The following FCHO2 variants were observed in gnomAD, a reference collection of about 807,000 sequenced individuals.
The protein encoded by FCHO2 is F-BAR domain only protein 2.
In FCHO2, 43 loss-of-function variants were observed where a neutral mutation model predicts 114.1. That is an observed-to-expected ratio of 0.38 (90% confidence interval 0.30 to 0.49). The LOEUF is 0.49. Among genes scored for constraint, FCHO2 ranks in the 20% least tolerant of loss-of-function variants. The pLI, the probability that FCHO2 is intolerant of heterozygous loss-of-function variation, is 0.97. For missense variants in FCHO2, 807 were observed against 950.4 expected (o/e 0.85, Z 1.98); for synonymous variants, 293 against 315.2 (o/e 0.93, Z 0.75).
Position 73,037,172 on chromosome 5 carries a change from G to C in FCHO2, c.871G>C (p.Ala291Pro), listed in dbSNP as rs1756553026. 1 of 1,592,848 alleles carries C rather than the reference G, an allele frequency of 6.3e-7. No individual in the cohort carries two copies. The highest frequency in any genetic ancestry group is 2.3e-5 in the East Asian group (1 of 44,112). Residue 291 changes from alanine (A) to proline (P), a missense_variant, in exon 10 of 26, where the codon GCT (alanine) becomes CCT (proline). Transcript: ENST00000430046. ...GIKPRKRKTF[A>P]LPGIIKKEKD... ...AAAACCAAGGAAAAGAAAGACCTTT[G>C]CTTTGCCAGGAATCATTAAAAAGGA...
intron 2 of FCHO2, among the ~76,000 whole-genome samples, chr5:72,986,022 T>A (rs533121858): frequency 5.3e-5 from 8 of 152,154 alleles, no homozygotes; most frequent in Non-Finnish European, 1.2e-4. Context: ...CTCTTCTCTG[T>A]TTTTCATTCT....
At chr5:73,063,390 A>G (rs975026612) in intron 17 of FCHO2, among the ~76,000 whole-genome samples, 4 of 152,088 alleles carry the variant, frequency 2.6e-5, no homozygotes, top group African/African-American at 4.8e-5. Context: ...CTTAAAAGGC[A>G]AATTTAACAA....
intron 8 of FCHO2, among the ~76,000 whole-genome samples, chr5:73,026,049 A>G (rs1251400255): frequency 1.3e-5 from 2 of 151,814 alleles, no homozygotes; most frequent in East Asian, 3.9e-4. Flanking sequence ...TAATCCCAGC[A>G]CTTTCGGAGG....
At chr5:73,012,263 C>T (rs1212561824) in intron 6 of FCHO2, among the ~76,000 whole-genome samples, 1 of 152,150 alleles carries the variant, frequency 6.6e-6, no homozygotes, top group African/African-American at 2.4e-5. Context: ...TCTGGTACCA[C>T]TGTCATATAT....
At chr5:73,041,079 T>G (rs1021755216) in intron 10 of FCHO2, among the ~76,000 whole-genome samples, 8 of 151,722 alleles carry the variant, frequency 5.3e-5, no homozygotes, top group Non-Finnish European at 1.0e-4. Context: ...GCTGTTTGTT[T>G]TTTATTTTGT....
At chr5:73,017,852 TG>T (rs200326087) in intron 8 of FCHO2, among the ~76,000 whole-genome samples, 3,664 of 152,218 alleles carry the variant, frequency 0.024, 68 homozygotes, top group South Asian at 0.039. Flanking sequence ...AGTGAACAAA[TG>T]GATATAGGAA....
chr5:72,958,571 G>A (rs902815379), intron 1 of FCHO2, among the ~76,000 whole-genome samples: 2 of 152,134 alleles, frequency 1.3e-5, no homozygotes, highest in African/African-American at 4.8e-5. Flanking sequence ...AGTTTGGATT[G>A]CTGTTGTTTG....
intron 22 of FCHO2, among the ~76,000 whole-genome samples, chr5:73,079,672 A>G (rs1406032387): frequency 6.6e-6 from 1 of 152,232 alleles, no homozygotes; most frequent in African/African-American, 2.4e-5. Flanking sequence ...AAAAGGATCT[A>G]TAAACTATGC....
intron 2 of FCHO2, among the ~76,000 whole-genome samples, chr5:72,972,713 C>T (rs1356522838): frequency 6.6e-6 from 1 of 152,140 alleles, no homozygotes; most frequent in Non-Finnish European, 1.5e-5. Context: ...TGCCTAATTG[C>T]CCTGGCTAGA....
At chr5:73,037,078 C>A in intron 9 of FCHO2, 65 bp from the exon 10 acceptor site, 1 of 1,119,198 alleles carries the variant, frequency 8.9e-7, no homozygotes, top group Non-Finnish European at 1.3e-6. Context: ...CAAGATGTAT[C>A]CATAAGTTTA....
intron 17 of FCHO2, among the ~76,000 whole-genome samples, chr5:73,063,306 T>A (rs1757930317): frequency 6.6e-6 from 1 of 152,042 alleles, no homozygotes; most frequent in South Asian, 2.1e-4. Flanking sequence ...TTTGGGGAAT[T>A]TTTTTTAGTA....
Position 73,081,766 on chromosome 5 carries a change from T to C in FCHO2, c.1981-17T>C. ...TTTTCAGGCCAAAAACAATTGTTTG[T>C]TCTTTTCTCTTTAAAGGTATCATCA... On this transcript the variant is annotated splice_polypyrimidine_tract_variant and intron_variant, in intron 22 of 25. Transcript: ENST00000430046. The C allele has an allele frequency of 6.8e-7, 1 of 1,460,346 alleles. No individual in the cohort carries two copies. The highest frequency in any genetic ancestry group is 9.1e-7 in the Non-Finnish European group (1 of 1,096,848). 90.5% of individuals were successfully genotyped at this position (1,460,346 alleles called of 1,614,324 possible).
chr5:73,070,663 A>G (rs927901359), intron 19 of FCHO2, among the ~76,000 whole-genome samples: 2 of 149,744 alleles, frequency 1.3e-5, no homozygotes, highest in Admixed American at 1.3e-4. Flanking sequence ...ATATTAGTTT[A>G]TGGTTTGAGA....
In FCHO2 at chr5:73,028,646, C is replaced by CTTTTTTTTTTT. The variant is rs1177312773; in HGVS notation, c.797-6000_797-5990dup. Among the ~76,000 whole-genome samples, 4 of 112,148 alleles carry CTTTTTTTTTTT rather than the reference C, an allele frequency of 3.6e-5. 1 individual carries two copies. Among genetic ancestry groups the CTTTTTTTTTTT allele is most frequent in the African/African-American group, 3.4e-5 (1 of 29,824 alleles). The allele number at this position is 112,148 out of a possible 152,430, so 73.6% of individuals were successfully genotyped here. A position where few individuals can be genotyped will look rare whatever the true frequency, so the allele number is the denominator to read the frequency against. Reference sequence around the variant, plus strand: ...AAATAAGAATACATATTATATGATTCTTTTTTTTTTTTTTTTTTTTTGTGA... The same window carrying CTTTTTTTTTTT: ...AAATAAGAATACATATTATATGATTCTTTTTTTTTTTTTTTTTTTTTTTTTTTTTTTTGTGA... On this transcript the variant is annotated intron_variant, in intron 8 of 25. Coordinates refer to ENST00000430046, the MANE Select transcript of FCHO2 (RefSeq NM_138782.3).
chr5:73,036,307 T>G (rs2112797760), intron 9 of FCHO2, among the ~76,000 whole-genome samples: 1 of 152,342 alleles, frequency 6.6e-6, no homozygotes, highest in South Asian at 2.1e-4. Flanking sequence ...GACAACATTA[T>G]GGACACAAGA....
At chr5:72,990,997 T>A in intron 5 of FCHO2, 133 bp downstream of exon 5, 1 of 973,532 alleles carries the variant, frequency 1.0e-6, no homozygotes, top group Non-Finnish European at 1.5e-6. Context: ...GTCCTAGTGA[T>A]TACCCAAGTA....
intron 8 of FCHO2, among the ~76,000 whole-genome samples, chr5:73,018,127 T>A (rs1242335355): frequency 1.3e-5 from 2 of 152,150 alleles, no homozygotes; most frequent in African/African-American, 2.4e-5. Flanking sequence ...GGGTAAGAGA[T>A]CTGTGAAGTT....
chr5:73,085,790 A>C (rs1248206975), intron 24 of FCHO2, among the ~76,000 whole-genome samples: 1 of 11,702 alleles, frequency 8.5e-5, no homozygotes, highest in Non-Finnish European at 4.4e-4. Flanking sequence ...ATAAATAAAT[A>C]AATAAATAAA....
chr5:73,005,758 TTATG>T (rs1754683029), intron 5 of FCHO2, among the ~76,000 whole-genome samples: 1 of 152,192 alleles, frequency 6.6e-6, no homozygotes, highest in African/African-American at 2.4e-5. Flanking sequence ...CAATTTCTGT[TTATG>T]TATAGGTTGT....
Sources: allele counts gnomAD v4.1 joint callset (sites outside exome capture counted in the v4.1 genomes callset), GRCh38; gene constraint gnomAD v4.1.1; transcripts MANE v1.5; gene names NCBI Gene and HGNC (gene_info 2026-07-23, HGNC 2026-07-21).